INPP5A: variants seen among roughly 807,000 people sequenced by gnomAD.
INPP5A encodes the protein 43 kDa inositol polyphosphate 5-phophatase.
In INPP5A, 14 loss-of-function variants were observed where a neutral mutation model predicts 65.2. The ratio of observed to expected loss-of-function variants is 0.21; its 90% CI spans 0.14 to 0.34. The LOEUF (loss-of-function observed/expected upper bound fraction) is 0.34, where lower values mean the gene tolerates loss of function less well. Among genes scored for constraint, INPP5A ranks in the 10% least tolerant of loss-of-function variants. The pLI is 1.00. For missense variants in INPP5A, 431 were observed against 545.6 expected (o/e 0.79, Z 2.09); for synonymous variants, 207 against 208.3 (o/e 0.99, Z 0.05).
rs1001526879 is a variant in INPP5A at position 132,675,221 on chromosome 10, C to T, written c.307-15171C>T. ...ACACTGACAGGCCACCTTCCTGTTC[C>T]TGCAGAAATGGTAACCGCAGGGGAC... On this transcript the variant is annotated intron_variant, in intron 4 of 15. Coordinates refer to ENST00000368594, the MANE Select transcript of INPP5A (RefSeq NM_005539.5). The surrounding 1 kb of genome is among the most constrained non-coding windows in gnomAD (Gnocchi z 4.2). 6.6e-6 allele frequency among the ~76,000 whole-genome samples: 1 copy of T among 152,254 alleles called. No individual in the cohort carries two copies. Among genetic ancestry groups the T allele is most frequent in the African/African-American group, 2.4e-5 (1 of 41,456 alleles).
At chr10:132,755,423 CAT>C (rs963183349) in intron 11 of INPP5A, among the ~76,000 whole-genome samples, 49 of 149,808 alleles carry the variant, frequency 3.3e-4, no homozygotes, top group African/African-American at 1.2e-3. Context: ...CAGGCATATG[CAT>C]ATGAGTGGGT....
chr10:132,720,188 C>T (rs569376045), intron 8 of INPP5A, among the ~76,000 whole-genome samples: 15 of 148,032 alleles, frequency 1.0e-4, no homozygotes, highest in Non-Finnish European at 1.9e-4. Flanking sequence ...GCACCTTAGA[C>T]GGCTGTCTTG....
chr10:132,688,864 GTTAGTGCA>G (rs1564965497), intron 4 of INPP5A, among the ~76,000 whole-genome samples: 1 of 151,520 alleles, frequency 6.6e-6, no homozygotes, highest in African/African-American at 2.4e-5. Context: ...GTGTGCATGA[GTTAGTGCA>G]TGAGTGTATG....
chr10:132,653,355 C>T (rs1050775680), intron 4 of INPP5A, among the ~76,000 whole-genome samples: 10 of 152,226 alleles, frequency 6.6e-5, no homozygotes, highest in Non-Finnish European at 1.2e-4. Flanking sequence ...CAGGGTTTTC[C>T]AGGTGGGTCC....
chr10:132,671,072 G>T (rs1221859568), intron 4 of INPP5A, among the ~76,000 whole-genome samples: 1 of 152,042 alleles, frequency 6.6e-6, no homozygotes, highest in Non-Finnish European at 1.5e-5. Context: ...GTAAAGAAAA[G>T]AGAAGGTCTC....
chr10:132,693,263 A>G (rs1299579696), intron 5 of INPP5A, among the ~76,000 whole-genome samples: 3 of 152,236 alleles, frequency 2.0e-5, no homozygotes, highest in Non-Finnish European at 4.4e-5. Context: ...CCAAAGATAC[A>G]AAGAACAAAG....
chr10:132,754,168 C>T (rs918021273), intron 11 of INPP5A, among the ~76,000 whole-genome samples: 1 of 152,252 alleles, frequency 6.6e-6, no homozygotes, highest in African/African-American at 2.4e-5. Context: ...AGGATCCCCC[C>T]GCCACCTGGC....
At chr10:132,608,824 C>T (rs902544326) in intron 2 of INPP5A, among the ~76,000 whole-genome samples, 1 of 152,146 alleles carries the variant, frequency 6.6e-6, no homozygotes, top group Non-Finnish European at 1.5e-5. Flanking sequence ...TGGAGATGGG[C>T]TGGGGAGGCC....
At position 132,574,696 on chromosome 10, in the gene INPP5A, AT is replaced by A. The variant is rs754973521; in HGVS notation, c.76-33207del. ...TTTTTTGTAGAGATGGGGTCTCAGTATTTTTTTTTTTTGAGACAGAGTCTCG... is the reference window on the plus strand; with the variant it reads ...TTTTTTGTAGAGATGGGGTCTCAGTATTTTTTTTTTTGAGACAGAGTCTCG... On this transcript the variant is annotated intron_variant, in intron 1 of 15. Transcript: ENST00000368594. Among the ~76,000 whole-genome samples the A allele has an allele frequency of 1.7e-3, 176 of 103,834 alleles. 1 individual carries two copies. The highest frequency in any genetic ancestry group is 2.1e-3 in the Non-Finnish European group (104 of 48,440). 68.1% of individuals were successfully genotyped at this position (103,834 alleles called of 152,430 possible).
intron 9 of INPP5A, 115 bp from the exon 10 acceptor site, chr10:132,749,400 GAC>G: frequency 1.1e-6 from 1 of 892,140 alleles, no homozygotes; most frequent in Non-Finnish European, 1.7e-6. Context: ...ATCTGGGTGT[GAC>G]ACCAGCTGCT....
chr10:132,609,237 T>TA (rs1217581385), intron 2 of INPP5A, among the ~76,000 whole-genome samples: 1 of 152,236 alleles, frequency 6.6e-6, no homozygotes, highest in African/African-American at 2.4e-5. Flanking sequence ...AAATAATAGA[T>TA]ATGATGAATT....
intron 9 of INPP5A, among the ~76,000 whole-genome samples, chr10:132,736,717 T>C (rs1331090991): frequency 6.6e-6 from 1 of 152,208 alleles, no homozygotes; most frequent in Non-Finnish European, 1.5e-5. Flanking sequence ...ACCTCAGACA[T>C]TCCTGGCGCC....
At chr10:132,738,551 C>T (rs1846218239) in intron 9 of INPP5A, among the ~76,000 whole-genome samples, 1 of 152,202 alleles carries the variant, frequency 6.6e-6, no homozygotes, top group Non-Finnish European at 1.5e-5. Context: ...GCAGAGGGTG[C>T]CCGGCATGGT....
chr10:132,656,040 G>A (rs903109306), intron 4 of INPP5A, among the ~76,000 whole-genome samples: 2 of 152,274 alleles, frequency 1.3e-5, no homozygotes, highest in Non-Finnish European at 2.9e-5. Context: ...AGCACTGACC[G>A]TGGCCTCTCA....
intron 13 of INPP5A, among the ~76,000 whole-genome samples, chr10:132,780,199 A>G (rs1204341097): frequency 1.3e-5 from 2 of 152,244 alleles, no homozygotes; most frequent in East Asian, 1.9e-4. Context: ...AGCTGTGGAT[A>G]TAAAATTCCA....
rs2072709334 is a variant in INPP5A, at chr10:132,659,674, C to T, written c.306+9169C>T. On this transcript the variant is annotated intron_variant, in intron 4 of 15. Transcript: ENST00000368594. This position sits in a 1 kb window ranked among gnomAD's most constrained non-coding sequence, Gnocchi z 5.5. ...CAGAGGAGACCTCTGCACGCAGGCC[C>T]ACAGCAAGGGCCGGATCAGGAGAAC... 6.6e-6 allele frequency among the ~76,000 whole-genome samples: 1 copy of T among 152,222 alleles called. No homozygotes were observed. Among genetic ancestry groups the T allele is most frequent in the Non-Finnish European group, 1.5e-5 (1 of 68,040 alleles).
At chr10:132,661,990 C>T (rs935288660) in intron 4 of INPP5A, among the ~76,000 whole-genome samples, 1 of 152,184 alleles carries the variant, frequency 6.6e-6, no homozygotes, top group Admixed American at 6.5e-5. Context: ...TCAATTGTTA[C>T]TTGAAACCAC....
intron 2 of INPP5A, among the ~76,000 whole-genome samples, chr10:132,619,022 C>A (rs1274239772): frequency 6.6e-6 from 1 of 152,194 alleles, no homozygotes; most frequent in Non-Finnish European, 1.5e-5. Flanking sequence ...CCCAGCCCCT[C>A]CCAGATCTCA....
At chr10:132,701,149 A>G (rs992563594) in intron 6 of INPP5A, among the ~76,000 whole-genome samples, 1 of 152,210 alleles carries the variant, frequency 6.6e-6, no homozygotes, top group African/African-American at 2.4e-5. Flanking sequence ...GCCGTCTTTT[A>G]GTAGATGAAA....
Sources: allele counts gnomAD v4.1 joint callset (sites outside exome capture counted in the v4.1 genomes callset), GRCh38; gene constraint gnomAD v4.1.1; non-coding constraint Gnocchi (gnomAD v3.1); transcripts MANE v1.5; gene names NCBI Gene and HGNC (gene_info 2026-07-23, HGNC 2026-07-21).